The following LDLRAP1 variants were observed in gnomAD, a reference collection of about 807,000 sequenced individuals.
LDLRAP1 encodes the protein low density lipoprotein receptor adaptor protein 1.
A neutral mutation model predicts 37.8 loss-of-function variants in LDLRAP1; 30 were observed. The observed-to-expected ratio is 0.79, with a 90% confidence interval of 0.59 to 1.08. LDLRAP1 has a LOEUF of 1.08. LDLRAP1 is among the 50% of genes least tolerant of loss of function. The pLI, the probability that LDLRAP1 is intolerant of heterozygous loss-of-function variation, is 0.00. For missense variants in LDLRAP1, 375 were observed against 401.6 expected (o/e 0.93, Z 0.57); for synonymous variants, 156 against 169.8 (o/e 0.92, Z 0.63).
Position 25,554,955 on chromosome 1 carries a change from G to T in LDLRAP1, c.327G>T (p.Glu109Asp), listed in dbSNP as rs2044165165. ...ACAACCTCACCAACCAGCTCATTGA[G>T]AACGTGTCCATATACAGGTACGCTC... ...LTDNLTNQLI[E>D]NVSIYRISYC... Residue 109 changes from glutamate to aspartate, a missense_variant, in exon 3 of 9, where the codon GAG (glutamate) becomes GAT (aspartate). Glu to Asp is a conservative substitution (Grantham distance 45). Transcript: ENST00000374338. This position sits in a 1 kb window ranked among gnomAD's most constrained non-coding sequence, Gnocchi z 5.4. The T allele has an allele frequency of 6.2e-7, 1 of 1,614,066 alleles. No individual in the cohort carries two copies.
the LDLRAP1 span, among the ~76,000 whole-genome samples, chr1:25,586,561 C>A: frequency 2.0e-5 from 3 of 150,292 alleles, no homozygotes; most frequent in East Asian, 5.9e-4. The surrounding 1 kb of genome is among the most constrained non-coding windows in gnomAD (Gnocchi z 4.3). Flanking sequence ...TGTGTGTGTA[C>A]GTGCGTGTGT....
At chr1:25,581,058 A>G in the LDLRAP1 span, among the ~76,000 whole-genome samples, 1 of 152,136 alleles carries the variant, frequency 6.6e-6, no homozygotes, top group Non-Finnish European at 1.5e-5. Context: ...TCCTAATTCT[A>G]GATGTTACTG....
At position 25,566,996 on chromosome 1, in the gene LDLRAP1, C is replaced by T. The variant is rs1248593804; in HGVS notation, c.*4C>T. On this transcript the variant is annotated 3_prime_UTR_variant, in exon 9 of 9. Coordinates refer to ENST00000374338, the MANE Select transcript of LDLRAP1 (RefSeq NM_015627.3). ...GGATGACCTCTTCAGCTTCTGAGGG[C>T]CCGGGGCCAGCCGGACACAAGCGGC... 1.9e-6 allele frequency: 3 copies of T among 1,613,112 alleles called. No individual in the cohort carries two copies. The highest frequency in any genetic ancestry group is 2.5e-6 in the Non-Finnish European group (3 of 1,180,014).
chr1:25,545,460 A>G (rs1010340718), intron 1 of LDLRAP1, among the ~76,000 whole-genome samples: 5 of 152,196 alleles, frequency 3.3e-5, no homozygotes, highest in Non-Finnish European at 7.3e-5. Flanking sequence ...TGGCAGGAGT[A>G]TCAAGGAGAT....
At chr1:25,575,178 C>T in the LDLRAP1 span, among the ~76,000 whole-genome samples, 1 of 152,172 alleles carries the variant, frequency 6.6e-6, no homozygotes, top group Admixed American at 6.5e-5. Flanking sequence ...ATGTTTGGGC[C>T]TTGCCAGCCC....
At chr1:25,563,289 T>G in intron 6 of LDLRAP1, 136 bp downstream of exon 6, 1 of 660,820 alleles carries the variant, frequency 1.5e-6, no homozygotes, top group African/African-American at 1.8e-5. Context: ...TAATACACGT[T>G]CATTACAGAT....
At chr1:25,546,554 T>C (rs2043938291) in intron 1 of LDLRAP1, among the ~76,000 whole-genome samples, 1 of 152,110 alleles carries the variant, frequency 6.6e-6, no homozygotes, top group African/African-American at 2.4e-5. Context: ...TGGCCAGGCA[T>C]TTTCCTTCCA....
intron 1 of LDLRAP1, chr1:25,553,324 A>C (rs1163669410): frequency 1.9e-5 from 3 of 154,800 alleles, no homozygotes; most frequent in Admixed American, 1.3e-4. Flanking sequence ...GGTAGCATTG[A>C]AGTAAAGAGG....
the LDLRAP1 span, among the ~76,000 whole-genome samples, chr1:25,574,583 CTG>C: frequency 2.6e-5 from 4 of 152,186 alleles, no homozygotes; most frequent in African/African-American, 9.7e-5. Flanking sequence ...CTGTGGGTGT[CTG>C]TGGGCCTCTG....
chr1:25,571,996 TG>T (rs2044610906), downstream of LDLRAP1, among the ~76,000 whole-genome samples: 2 of 152,160 alleles, frequency 1.3e-5, no homozygotes, highest in African/African-American at 4.8e-5. Context: ...GAGCTGGGCT[TG>T]CAGTAGGCCA....
intron 1 of LDLRAP1, among the ~76,000 whole-genome samples, chr1:25,550,211 A>G (rs1404848057): frequency 6.6e-6 from 1 of 152,172 alleles, no homozygotes; most frequent in African/African-American, 2.4e-5. Context: ...GCTAAATTCT[A>G]TAAACTTATC....
intron 6 of LDLRAP1, 72 bp downstream of exon 6, chr1:25,563,225 C>T (rs1258019888): frequency 1.5e-6 from 2 of 1,294,264 alleles, no homozygotes; most frequent in Admixed American, 1.8e-5. Flanking sequence ...GGGTCCCACT[C>T]CTGCCTGGGC....
the LDLRAP1 span, among the ~76,000 whole-genome samples, chr1:25,579,244 A>G: frequency 2.6e-5 from 4 of 152,208 alleles, no homozygotes; most frequent in Non-Finnish European, 4.4e-5. Flanking sequence ...GCCAGCCCTG[A>G]GAACAGCAGA....
At position 25,554,744 on chromosome 1, in the gene LDLRAP1, G is replaced by C; in HGVS notation, c.232-116G>C. 3 of 786,608 alleles carry C rather than the reference G, an allele frequency of 3.8e-6. No homozygotes were observed. Among genetic ancestry groups the C allele is most frequent in the Non-Finnish European group, 6.5e-6 (3 of 458,602 alleles). The allele number at this position is 786,608 out of a possible 1,614,324, so 48.7% of individuals were successfully genotyped here. ...AGTGGTCTTGCCCACACTGCTGCCA[G>C]TCACCTGAGCTGAGATGGGCCCCGT... On this transcript the variant is annotated intron_variant, in intron 2 of 8. Transcript: ENST00000374338. The surrounding 1 kb of genome is among the most constrained non-coding windows in gnomAD (Gnocchi z 5.4).
chr1:25,545,611 T>C (rs1205172675), intron 1 of LDLRAP1, among the ~76,000 whole-genome samples: 1 of 152,190 alleles, frequency 6.6e-6, no homozygotes, highest in Non-Finnish European at 1.5e-5. Context: ...TCTGCACCTT[T>C]GGAGGAAAGG....
At chr1:25,571,498 C>T (rs1286203525), downstream of LDLRAP1, among the ~76,000 whole-genome samples, 2 of 152,262 alleles carry the variant, frequency 1.3e-5, no homozygotes, top group African/African-American at 4.8e-5. Flanking sequence ...ACACCAGCAG[C>T]ATCCACACGT....
At chr1:25,572,300 C>T (rs1219562046), downstream of LDLRAP1, among the ~76,000 whole-genome samples, 1 of 152,138 alleles carries the variant, frequency 6.6e-6, no homozygotes, top group African/African-American at 2.4e-5. Flanking sequence ...CAGCAGGCAG[C>T]GCTGGAGTCC....
chr1:25,552,283 G>A (rs1293343357), intron 1 of LDLRAP1, among the ~76,000 whole-genome samples: 1 of 152,356 alleles, frequency 6.6e-6, no homozygotes, highest in Admixed American at 6.5e-5. Context: ...CCCTGCCAGA[G>A]CCTCAGCTGC....
chr1:25,585,922 G>A, the LDLRAP1 span, among the ~76,000 whole-genome samples: 2 of 152,202 alleles, frequency 1.3e-5, no homozygotes, highest in Non-Finnish European at 2.9e-5. Context: ...GTGACTCTCG[G>A]TCAGATTCTT....
Sources: gnomAD v4.1 joint callset for allele counts (sites outside exome capture counted in the v4.1 genomes callset) on GRCh38, gnomAD v4.1.1 for gene constraint, Gnocchi (gnomAD v3.1) non-coding constraint, MANE v1.5 for transcripts, NCBI Gene and HGNC (gene_info 2026-07-23, HGNC 2026-07-21) for gene names.